Variants in AMPD3 observed in about 807,000 individuals in gnomAD.
The protein encoded by AMPD3 is AMP deaminase 3.
Under a neutral mutation model 82.3 loss-of-function variants are expected in AMPD3, and 57 were observed. That is an observed-to-expected ratio of 0.69 (90% CI 0.56 to 0.86). AMPD3 has a LOEUF of 0.86. Among genes scored for constraint, AMPD3 ranks in the 40% least tolerant of loss-of-function variants. AMPD3 has a pLI of 0.00. For missense variants in AMPD3, 870 were observed against 1,003.8 expected (o/e 0.87, Z 1.80); for synonymous variants, 381 against 394.7 (o/e 0.97, Z 0.41).
At chr11:10,497,764 A>G in intron 10 of AMPD3, 24 of 985,166 alleles carry the variant, frequency 2.4e-5, no homozygotes, top group Non-Finnish European at 2.9e-5. Flanking sequence ...CTGCCTGGAG[A>G]CAGGAGGGGA....
At chr11:10,477,401 G>C (rs1848771853) in intron 2 of AMPD3, among the ~76,000 whole-genome samples, 4 of 152,152 alleles carry the variant, frequency 2.6e-5, no homozygotes. Flanking sequence ...GTTCCACTGG[G>C]GGCAGACAGA....
At chr11:10,500,306 T>G (rs1250396878) in intron 11 of AMPD3, 57 bp downstream of exon 11, 8 of 1,560,056 alleles carry the variant, frequency 5.1e-6, no homozygotes, top group South Asian at 2.2e-5. Context: ...CATGCACGCA[T>G]GCACACACAT....
intron 7 of AMPD3, 160 bp from the exon 8 acceptor site, chr11:10,494,739 G>A: frequency 1.0e-6 from 1 of 984,424 alleles, no homozygotes; most frequent in South Asian, 4.7e-5. Context: ...AGGATCCATG[G>A]TCCTGGTGCT....
At chr11:10,469,858 G>T (rs1397407712) in intron 2 of AMPD3, among the ~76,000 whole-genome samples, 1 of 151,960 alleles carries the variant, frequency 6.6e-6, no homozygotes, top group Non-Finnish European at 1.5e-5. Context: ...GCTAAAAACG[G>T]TGAAACCCCG....
chr11:10,455,785 C>A (rs1037932855), intron 1 of AMPD3: 1 of 391,906 alleles, frequency 2.6e-6, no homozygotes, highest in African/African-American at 2.2e-5. Flanking sequence ...GATTGAAGCT[C>A]CCCCTGGCAG....
At position 10,484,928 on chromosome 11, in the gene AMPD3, A is replaced by T. The variant is rs1388052379; in HGVS notation, c.698A>T (p.Asp233Val). 2 of 1,613,966 alleles carry T rather than the reference A, an allele frequency of 1.2e-6. No individual in the cohort carries two copies. Among genetic ancestry groups the T allele is most frequent in the Non-Finnish European group, 1.7e-6 (2 of 1,180,016 alleles). ...CAGGGGGGCATCCTCTTTGTGTATG[A>T]TAACAAGAAGATGCTGGAGCACCAG... is the stretch of plus-strand genomic sequence containing the variant. Reference protein sequence around the residue: ...HMQGGILFVYDNKKMLEHQEP... With the variant: ...HMQGGILFVYVNKKMLEHQEP... The change falls in exon 5 of 15, where the codon GAT (aspartate) becomes GTT (valine). Residue 233 changes from aspartate (D) to valine (V), a missense_variant. By Grantham distance (152) the Asp-to-Val change is radical. Coordinates refer to ENST00000396553, the MANE Select transcript of AMPD3 (RefSeq NM_001025389.2).
intron 10 of AMPD3, chr11:10,497,510 G>A (rs1043727837): frequency 1.1e-6 from 1 of 904,662 alleles, no homozygotes. Flanking sequence ...GGATCGAGGG[G>A]GTATCAGATG....
intron 6 of AMPD3, among the ~76,000 whole-genome samples, chr11:10,488,969 G>T (rs1446081190): frequency 6.6e-6 from 1 of 152,138 alleles, no homozygotes; most frequent in African/African-American, 2.4e-5. Context: ...ACACGCCAGG[G>T]GTCCAACACA....
At chr11:10,502,974 C>A in intron 13 of AMPD3, 80 bp downstream of exon 13, 1 of 1,523,710 alleles carries the variant, frequency 6.6e-7, no homozygotes, top group Non-Finnish European at 9.0e-7. Flanking sequence ...GAACCTGAGC[C>A]CATGGCTTAG....
rs144082890 is a variant in AMPD3 at position 10,496,921 on chromosome 11, C to T, written c.1540C>T (p.His514Tyr). Residue 514 changes from histidine (H) to tyrosine (Y), a missense_variant, in exon 10 of 15, where the codon CAC becomes TAC. His to Tyr is a moderately conservative substitution (Grantham distance 83). Transcript: ENST00000396553. ...CAACCCCCAAGATCATCGAGAGCTTCACCTCTTCCTTAAATATGTAAGTGT... is the reference window on the plus strand; with the variant it reads ...CAACCCCCAAGATCATCGAGAGCTTTACCTCTTCCTTAAATATGTAAGTGT... The part of the protein sequence containing the change: ...TINPQDHREL[H>Y]LFLKYVTGFD... 18 of 1,613,976 alleles carry T rather than the reference C, an allele frequency of 1.1e-5. No individual in the cohort carries two copies. The highest frequency in any genetic ancestry group is 5.3e-5 in the African/African-American group (4 of 74,914).
At chr11:10,465,718 G>T (rs1848399376) in intron 2 of AMPD3, among the ~76,000 whole-genome samples, 1 of 152,166 alleles carries the variant, frequency 6.6e-6, no homozygotes, top group Non-Finnish European at 1.5e-5. Context: ...CTTGCAACCT[G>T]CAGACCAGGA....
intron 1 of AMPD3, chr11:10,461,299 C>T: frequency 6.5e-7 from 1 of 1,539,560 alleles, no homozygotes; most frequent in Non-Finnish European, 8.7e-7. Flanking sequence ...TGAACACTTG[C>T]TTTCTCCTGA....
chr11:10,493,606 C>G (rs776560937), intron 7 of AMPD3, 63 bp downstream of exon 7: 1 of 1,564,852 alleles, frequency 6.4e-7, no homozygotes, highest in African/African-American at 1.4e-5. Flanking sequence ...ACTCAGCCCC[C>G]TGGAAAGCCA....
At chr11:10,474,178 C>G (rs1389201155) in intron 2 of AMPD3, among the ~76,000 whole-genome samples, 1 of 152,202 alleles carries the variant, frequency 6.6e-6, no homozygotes, top group Non-Finnish European at 1.5e-5. Context: ...CAGTCGGCCC[C>G]TGGAGGCGGG....
chr11:10,461,382 G>A (rs978280311), intron 1 of AMPD3, 133 bp from the exon 2 acceptor site: 3 of 1,597,892 alleles, frequency 1.9e-6, no homozygotes, highest in Admixed American at 1.7e-5. Context: ...TGCTGGGTTT[G>A]GTCTGGGGCA....
chr11:10,501,436 G>GT (rs778013702), intron 11 of AMPD3, 34 bp from the exon 12 acceptor site: 1 of 1,609,052 alleles, frequency 6.2e-7, no homozygotes, highest in Non-Finnish European at 8.5e-7. Flanking sequence ...AACTGGGGGG[G>GT]GCCTTCCTGA....
At chr11:10,461,177 C>G (rs1272315899) in intron 1 of AMPD3, 6 of 1,222,318 alleles carry the variant, frequency 4.9e-6, no homozygotes, top group Non-Finnish European at 6.2e-6. Context: ...CTCTCTTGTC[C>G]CTTCTCAAAC....
rs376881899 is a variant in AMPD3, at chr11:10,500,143, G to A, written c.1615G>A (p.Asp539Asn). The A allele has an allele frequency of 6.8e-6, 11 of 1,614,158 alleles. No homozygotes were observed. The highest frequency in any genetic ancestry group is 4.5e-5 in the East Asian group (2 of 44,864). The change falls in exon 11 of 15, where the codon GAC becomes AAC. Residue 539 changes from aspartate to asparagine, a missense_variant. Physicochemically the swap from Asp to Asn is conservative, Grantham distance 23. Transcript: ENST00000396553. ...CAAGCACAGCGACCACATGTTTTCC[G>A]ACAAGAGCCCAAACCCGGACGTCTG... The part of the protein sequence containing the change: ...ESKHSDHMFS[D>N]KSPNPDVWTS...
chr11:10,488,430 C>T (rs1216208732), intron 6 of AMPD3: 1 of 984,636 alleles, frequency 1.0e-6, no homozygotes, highest in African/African-American at 1.8e-5. Flanking sequence ...CAGGTAGAGG[C>T]ACGTGATGTG....
Sources: allele counts gnomAD v4.1 joint callset (sites outside exome capture counted in the v4.1 genomes callset), GRCh38; gene constraint gnomAD v4.1.1; transcripts MANE v1.5; gene names NCBI Gene and HGNC (gene_info 2026-07-23, HGNC 2026-07-21).